PCDHGB6: variants seen among roughly 807,000 people sequenced by gnomAD.
PCDHGB6 encodes the protein protocadherin gamma subfamily B, 6, also known as protocadherin gamma-B6.
Under a neutral mutation model 59.1 loss-of-function variants are expected in PCDHGB6, and 51 were observed. The ratio of observed to expected loss-of-function variants is 0.86; its 90% CI spans 0.69 to 1.09. The LOEUF is 1.09. Ranked by LOEUF, PCDHGB6 falls within the 50% of genes least tolerant of loss-of-function variation. PCDHGB6 has a pLI of 0.00. For synonymous variants in PCDHGB6, 466 were observed against 495.1 expected (o/e 0.94, Z 0.78); for missense variants, 1,148 against 1,205.1 (o/e 0.95, Z 0.70).
rs373297942 is a variant in PCDHGB6, at chr5:141,431,494, C to T, written c.2418+20874C>T. On this transcript the variant is annotated intron_variant, in intron 1 of 3. Coordinates refer to ENST00000520790, the MANE Select transcript of PCDHGB6 (RefSeq NM_018926.3). This position sits in a 1 kb window ranked among gnomAD's most constrained non-coding sequence, Gnocchi z 4.8. ...ACAACGCACCAGCGTTTGCTCAGCC[C>T]GAGTACCGCGCGAGCGTTCCGGAGA... 107 of 1,613,838 alleles carry T rather than the reference C, an allele frequency of 6.6e-5. No homozygotes were observed. Among genetic ancestry groups the T allele is most frequent in the Middle Eastern group, 1.6e-4 (1 of 6,084 alleles).
At chr5:141,460,981 GTGTATA>G (rs1450537646) in intron 1 of PCDHGB6, among the ~76,000 whole-genome samples, 10 of 121,882 alleles carry the variant, frequency 8.2e-5, no homozygotes, top group African/African-American at 3.1e-4. Flanking sequence ...GTGTGTGTGT[GTGTATA>G]TATATATATG....
chr5:141,451,037 C>T (rs1293972996), intron 1 of PCDHGB6, among the ~76,000 whole-genome samples: 1 of 151,594 alleles, frequency 6.6e-6, no homozygotes, highest in Middle Eastern at 3.2e-3. Context: ...ACCATATTGG[C>T]CAGGCTGGTC....
intron 1 of PCDHGB6, among the ~76,000 whole-genome samples, chr5:141,433,573 C>T (rs1400327372): frequency 1.3e-5 from 2 of 152,046 alleles, no homozygotes; most frequent in Admixed American, 1.3e-4. Flanking sequence ...CGGTGGCTCA[C>T]GCCTGTAATC....
intron 3 of PCDHGB6, among the ~76,000 whole-genome samples, chr5:141,508,752 C>G (rs2099871515): frequency 6.6e-6 from 1 of 152,028 alleles, no homozygotes. Flanking sequence ...CGCTCTTTCT[C>G]TGGCGCCTCT....
At chr5:141,435,575 C>T (rs1054936213) in intron 1 of PCDHGB6, among the ~76,000 whole-genome samples, 2 of 152,088 alleles carry the variant, frequency 1.3e-5, no homozygotes, top group South Asian at 2.1e-4. Context: ...AGTACTGGGG[C>T]AAATTTGCAG....
At chr5:141,420,382 C>CA (rs1414569792) in intron 1 of PCDHGB6, 5 of 1,300,530 alleles carry the variant, frequency 3.8e-6, no homozygotes, top group Non-Finnish European at 5.1e-6. Flanking sequence ...ATAGAGTTCG[C>CA]AAAATATAGG....
intron 1 of PCDHGB6, among the ~76,000 whole-genome samples, chr5:141,467,809 C>T (rs1026263094): frequency 6.6e-6 from 1 of 152,056 alleles, no homozygotes. Flanking sequence ...CAGGCACATG[C>T]CACCACACCA....
chr5:141,471,042 C>G (rs2099247416), intron 1 of PCDHGB6, among the ~76,000 whole-genome samples: 1 of 139,088 alleles, frequency 7.2e-6, no homozygotes, highest in South Asian at 2.3e-4. Flanking sequence ...CAAGCCCAAG[C>G]CCTCTTTTTT....
intron 1 of PCDHGB6, among the ~76,000 whole-genome samples, chr5:141,482,314 A>G (rs1279804501): frequency 6.6e-6 from 1 of 152,180 alleles, no homozygotes; most frequent in Admixed American, 6.5e-5. Flanking sequence ...TTCCTCATCT[A>G]TAAAATAAAG....
At chr5:141,456,259 C>T (rs1456888951) in intron 1 of PCDHGB6, among the ~76,000 whole-genome samples, 1 of 152,122 alleles carries the variant, frequency 6.6e-6, no homozygotes, top group Non-Finnish European at 1.5e-5. Flanking sequence ...GCGACCATTG[C>T]TTCTGGCTAC....
In PCDHGB6 at chr5:141,486,049, C is replaced by T. The variant is rs766853468; in HGVS notation, c.2419-8758C>T. 1 of 1,614,206 alleles carries T rather than the reference C, an allele frequency of 6.2e-7. No homozygotes were observed. The highest frequency in any genetic ancestry group is 8.5e-7 in the Non-Finnish European group (1 of 1,180,034). ...ATACCCCTGATCGTGTAAGAAACCT[C>T]TTTAGCCTGCACCCCACTACTGGAA... On this transcript the variant is annotated intron_variant, in intron 1 of 3. Transcript: ENST00000520790. The surrounding 1 kb of genome is among the most constrained non-coding windows in gnomAD (Gnocchi z 5.0).
rs1395688351 is a variant in PCDHGB6 at position 141,485,907 on chromosome 5, C to A, written c.2419-8900C>A. On this transcript the variant is annotated intron_variant, in intron 1 of 3. Coordinates refer to ENST00000520790, the MANE Select transcript of PCDHGB6 (RefSeq NM_018926.3). The surrounding 1 kb of genome is among the most constrained non-coding windows in gnomAD (Gnocchi z 5.7). ...GACAACGCCCCAGCCTTCCAGCAAT[C>A]CAGCTACAGGATTAGTGTGTTGGAG... is the stretch of plus-strand genomic sequence containing the variant. 6.2e-7 allele frequency: 1 copy of A among 1,614,176 alleles called. No homozygotes were observed.
chr5:141,469,283 T>C (rs576231993), intron 1 of PCDHGB6, among the ~76,000 whole-genome samples: 1 of 149,898 alleles, frequency 6.7e-6, no homozygotes, highest in African/African-American at 2.5e-5. Flanking sequence ...TCTCAAAAAA[T>C]AAAACAAAAT....
At position 141,408,851 on chromosome 5, in the gene PCDHGB6, G is replaced by C; in HGVS notation, c.649G>C (p.Gly217Arg). 1 of 1,613,574 alleles carries C rather than the reference G, an allele frequency of 6.2e-7. No homozygotes were observed. The highest frequency in any genetic ancestry group is 8.5e-7 in the Non-Finnish European group (1 of 1,179,810). The change falls in exon 1 of 4, where the codon GGA (glycine) becomes CGA (arginine). Residue 217 changes from glycine (G) to arginine (R), a missense_variant. By Grantham distance (125) the Gly-to-Arg change is moderately radical. This residue lies in a region of PCDHGB6 where 307 missense variants were observed against 323.8 expected (regional missense o/e 0.95). Transcript: ENST00000520790. ...SHSLILTALD[G>R]GDPPRSATAH... The stretch of plus-strand genomic sequence containing the variant: ...TAGCTTGATATTGACTGCCTTGGAC[G>C]GAGGGGACCCACCAAGAAGTGCCAC...
chr5:141,486,278 G>A lies in PCDHGB6; in HGVS notation c.2419-8529G>A. The A allele has an allele frequency of 1.2e-6, 2 of 1,614,088 alleles. No individual in the cohort carries two copies. Among genetic ancestry groups the A allele is most frequent in the South Asian group, 2.2e-5 (2 of 91,068 alleles). On this transcript the variant is annotated intron_variant, in intron 1 of 3. Transcript: ENST00000520790. This position sits in a 1 kb window ranked among gnomAD's most constrained non-coding sequence, Gnocchi z 5.0. The stretch of plus-strand genomic sequence containing the variant: ...CGAGAGTGCAGAACCTGGCACTGTG[G>A]TGGCACTTATCAGTGTGCAGGATCC...
Position 141,477,310 on chromosome 5 carries a change from C to T in PCDHGB6, c.2419-17497C>T. On this transcript the variant is annotated intron_variant, in intron 1 of 3. Coordinates refer to ENST00000520790, the MANE Select transcript of PCDHGB6 (RefSeq NM_018926.3). This position sits in a 1 kb window ranked among gnomAD's most constrained non-coding sequence, Gnocchi z 4.9. ...AAGTTCCACCGGGTCTCCCTTTCAGCCTTACTTCTTCCCTCAAGAATTACT... is the reference window on the plus strand; with the variant it reads ...AAGTTCCACCGGGTCTCCCTTTCAGTCTTACTTCTTCCCTCAAGAATTACT... The T allele has an allele frequency of 6.2e-7, 1 of 1,614,154 alleles. No homozygotes were observed. Among genetic ancestry groups the T allele is most frequent in the Non-Finnish European group, 8.5e-7 (1 of 1,180,018 alleles).
chr5:141,458,825 C>A (rs1417477907), intron 1 of PCDHGB6, among the ~76,000 whole-genome samples: 1 of 152,102 alleles, frequency 6.6e-6, no homozygotes, highest in Non-Finnish European at 1.5e-5. Context: ...CTCTGCCTCC[C>A]AGGCTCAAGT....
chr5:141,503,209 C>T (rs963237902), intron 2 of PCDHGB6, among the ~76,000 whole-genome samples: 3 of 152,020 alleles, frequency 2.0e-5, no homozygotes, highest in African/African-American at 7.3e-5. Context: ...TCTCAGTGCC[C>T]ACCATGAGCA....
chr5:141,505,283 G>A, intron 2 of PCDHGB6, 110 bp from the exon 3 acceptor site: 5 of 1,547,446 alleles, frequency 3.2e-6, no homozygotes, highest in Non-Finnish European at 3.5e-6. Flanking sequence ...ACAGGTCTTG[G>A]GCATGGGGTA....
Sources: allele counts gnomAD v4.1 joint callset (sites outside exome capture counted in the v4.1 genomes callset), GRCh38; gene constraint gnomAD v4.1.1; regional missense constraint gnomAD v4.1.1; non-coding constraint Gnocchi (gnomAD v3.1); transcripts MANE v1.5; gene names NCBI Gene and HGNC (gene_info 2026-07-23, HGNC 2026-07-21).